The following LVRN variants were observed in gnomAD, a reference collection of about 807,000 sequenced individuals.
LVRN encodes the protein laeverin, also known as aminopeptidase Q.
In LVRN, 99 loss-of-function variants were observed where a neutral mutation model predicts 111.4. The ratio of observed to expected loss-of-function variants is 0.89; its 90% CI spans 0.76 to 1.05. LVRN has a LOEUF of 1.05. Ranked by LOEUF, LVRN falls within the 50% of genes least tolerant of loss-of-function variation. LVRN has a pLI of 0.00. For synonymous variants in LVRN, 488 were observed against 449.5 expected (o/e 1.09, Z -1.08); for missense variants, 1,414 against 1,206.8 (o/e 1.17, Z -2.54).
At chr5:116,015,585 G>A (rs1348456752) in intron 17 of LVRN, 43 bp from the exon 18 acceptor site, 4 of 1,575,076 alleles carry the variant, frequency 2.5e-6, no homozygotes, top group African/African-American at 2.7e-5. Context: ...AACTCTTTAT[G>A]TTGGATGTTT....
intron 1 of LVRN, among the ~76,000 whole-genome samples, chr5:115,970,116 A>G (rs1039714300): frequency 6.6e-6 from 1 of 152,108 alleles, no homozygotes; most frequent in African/African-American, 2.4e-5. Flanking sequence ...ACAAAACTTG[A>G]TAAGTTTTGG....
intron 4 of LVRN, among the ~76,000 whole-genome samples, chr5:115,988,329 TA>T (rs1197689790): frequency 1.1e-5 from 1 of 87,330 alleles, no homozygotes; most frequent in Admixed American, 1.4e-4. Flanking sequence ...TTCCCTTTAG[TA>T]AGTTTTTTTT....
At position 115,985,428 on chromosome 5, in the gene LVRN, T is replaced by C. The variant is rs185832347; in HGVS notation, c.978+719T>C. On this transcript the variant is annotated intron_variant, in intron 3 of 19. Coordinates refer to ENST00000357872, the MANE Select transcript of LVRN (RefSeq NM_173800.5). ...TTATATCTTGGGGGAAAAGCATACGTGCCCCGGAAGGAATTTGTAGTTGGC... is the reference window on the plus strand; with the variant it reads ...TTATATCTTGGGGGAAAAGCATACGCGCCCCGGAAGGAATTTGTAGTTGGC... Among the ~76,000 whole-genome samples the C allele has an allele frequency of 4.0e-3, 612 of 152,208 alleles. 3 individuals carry two copies. Among genetic ancestry groups the C allele is most frequent in the African/African-American group, 0.014 (590 of 41,552 alleles).
At chr5:116,022,514 T>A (rs762720180) in intron 19 of LVRN, 48 bp downstream of exon 19, 17 of 1,294,464 alleles carry the variant, frequency 1.3e-5, no homozygotes, top group African/African-American at 1.5e-5. Context: ...TGGAAACCAC[T>A]TTTTATGCAA....
chr5:115,983,812 A>G (rs1747778352), intron 2 of LVRN, among the ~76,000 whole-genome samples: 1 of 152,206 alleles, frequency 6.6e-6, no homozygotes, highest in African/African-American at 2.4e-5. Context: ...ACTTAAAAAT[A>G]TCCAGAGATT....
intron 1 of LVRN, among the ~76,000 whole-genome samples, chr5:115,971,749 T>G (rs1160302628): frequency 1.3e-5 from 2 of 152,134 alleles, no homozygotes; most frequent in Non-Finnish European, 2.9e-5. Flanking sequence ...AACTAGGTGT[T>G]ATTCATCTAC....
chr5:115,986,922 A>G (rs1747882934), intron 3 of LVRN, among the ~76,000 whole-genome samples: 1 of 152,192 alleles, frequency 6.6e-6, no homozygotes. Flanking sequence ...AACGGCATTC[A>G]CAACAGGACA....
At chr5:116,006,864 A>G (rs1166395321) in intron 13 of LVRN, among the ~76,000 whole-genome samples, 1 of 152,200 alleles carries the variant, frequency 6.6e-6, no homozygotes, top group Non-Finnish European at 1.5e-5. Flanking sequence ...ATACAAATAC[A>G]GTGCCTTAAA....
chr5:115,993,086 G>C (rs1459808046), intron 5 of LVRN, among the ~76,000 whole-genome samples: 1 of 152,132 alleles, frequency 6.6e-6, no homozygotes, highest in African/African-American at 2.4e-5. Flanking sequence ...TGCAATACAG[G>C]CTATTAGTAA....
intron 7 of LVRN, 118 bp from the exon 8 acceptor site, chr5:116,000,315 A>G (rs1414976095): frequency 7.3e-7 from 1 of 1,377,800 alleles, no homozygotes; most frequent in Non-Finnish European, 1.0e-6. Context: ...TCAAACATTC[A>G]ACTAAAATGC....
chr5:116,004,480 G>T (rs968284773), intron 12 of LVRN, among the ~76,000 whole-genome samples: 1 of 152,200 alleles, frequency 6.6e-6, no homozygotes, highest in African/African-American at 2.4e-5. Flanking sequence ...AAAGTTCTCT[G>T]AGGCACACAG....
chr5:116,000,576 C>T lies in LVRN; in HGVS notation c.1582-17C>T, dbSNP rs1345452600. On this transcript the variant is annotated splice_polypyrimidine_tract_variant and intron_variant, in intron 8 of 19. Coordinates refer to ENST00000357872, the MANE Select transcript of LVRN (RefSeq NM_173800.5). Reference sequence around the variant, plus strand: ...GGCATGCTATTTATTTTAACCTTAACTTTTCTATTTTTACAGTCATATTTG... The same window carrying T: ...GGCATGCTATTTATTTTAACCTTAATTTTTCTATTTTTACAGTCATATTTG... The T allele has an allele frequency of 2.5e-6, 4 of 1,613,514 alleles. No individual in the cohort carries two copies. The African/African-American group carries it at 4.0e-5, about 16-fold the overall frequency.
chr5:116,020,068 G>A (rs1321664318), intron 18 of LVRN: 1 of 152,280 alleles, frequency 6.6e-6, no homozygotes, highest in African/African-American at 2.4e-5. Flanking sequence ...GCCTAATCTG[G>A]AAATACATTT....
At chr5:115,996,823 T>G (rs919475127) in intron 6 of LVRN, among the ~76,000 whole-genome samples, 7 of 152,162 alleles carry the variant, frequency 4.6e-5, no homozygotes, top group African/African-American at 1.7e-4. Context: ...CATCATATGT[T>G]GCTCTGCCTT....
chr5:116,014,764 A>G (rs995836022), intron 16 of LVRN, among the ~76,000 whole-genome samples: 3 of 151,998 alleles, frequency 2.0e-5, no homozygotes, highest in Admixed American at 2.0e-4. Context: ...TTGCCAAAGC[A>G]CTCTTCCAAT....
chr5:116,017,008 A>C (rs1184698212), intron 18 of LVRN, among the ~76,000 whole-genome samples: 2 of 152,186 alleles, frequency 1.3e-5, no homozygotes, highest in Non-Finnish European at 2.9e-5. Context: ...GTTATTGGAG[A>C]TGTAAAAGGA....
In LVRN at chr5:115,991,635, G is replaced by C. The variant is rs566993647; in HGVS notation, c.1106-488G>C. Among the ~76,000 whole-genome samples, 43 of 152,306 alleles carry C rather than the reference G, an allele frequency of 2.8e-4. No homozygotes were observed. In the South Asian group the frequency reaches 6.8e-3, roughly 24 times the overall value. ...TTTTGCATCCCCACGAGCAATGAAT[G>C]AGAGTTCCTGTTGCTCCACATCCTC... On this transcript the variant is annotated intron_variant, in intron 4 of 19. Transcript: ENST00000357872.
intron 18 of LVRN, among the ~76,000 whole-genome samples, chr5:116,016,775 G>A (rs933428995): frequency 4.6e-5 from 7 of 152,062 alleles, no homozygotes; most frequent in East Asian, 1.9e-4. Flanking sequence ...TAAACAAAAC[G>A]TCATTTTGCC....
intron 15 of LVRN, among the ~76,000 whole-genome samples, chr5:116,013,992 C>A (rs985713032): frequency 1.3e-5 from 2 of 152,156 alleles, no homozygotes; most frequent in African/African-American, 4.8e-5. Context: ...ATGAACTATT[C>A]CCTTTCCCTT....
Sources: allele counts gnomAD v4.1 joint callset (sites outside exome capture counted in the v4.1 genomes callset), GRCh38; gene constraint gnomAD v4.1.1; transcripts MANE v1.5; gene names NCBI Gene and HGNC (gene_info 2026-07-23, HGNC 2026-07-21).